Variants in TTLL7 observed in about 807,000 individuals in gnomAD.
TTLL7 encodes tubulin tyrosine ligase like 7.
TTLL7 carries 53 observed loss-of-function variants against 120.2 expected under a neutral mutation model. The observed-to-expected ratio is 0.44, with a 90% CI of 0.35 to 0.55. The LOEUF is 0.55. TTLL7 is among the 20% of genes least tolerant of loss of function. The pLI is 0.00. For synonymous variants in TTLL7, 353 were observed against 351.7 expected, an observed-to-expected ratio of 1.00 and a Z score of -0.04; for missense variants, 803 against 1,054.7, an observed-to-expected ratio of 0.76 and a Z score of 3.31.
intron 13 of TTLL7, among the ~76,000 whole-genome samples, chr1:83,918,862 C>A (rs527747866): frequency 6.6e-6 from 1 of 152,030 alleles, no homozygotes; most frequent in Non-Finnish European, 1.5e-5. Flanking sequence ...CATGTCTGGA[C>A]ATATGTAGGC....
intron 1 of TTLL7, among the ~76,000 whole-genome samples, chr1:83,958,344 G>A (rs1014355817): frequency 6.6e-6 from 1 of 152,110 alleles, no homozygotes; most frequent in Non-Finnish European, 1.5e-5. Context: ...ATTATCGGAT[G>A]AAAGACATTT....
Position 83,909,586 on chromosome 1 carries a change from T to C in TTLL7, c.1786+1579A>G, listed in dbSNP as rs532046334. Among the ~76,000 whole-genome samples, 9 of 152,158 alleles carry C rather than the reference T, an allele frequency of 5.9e-5. No individual in the cohort carries two copies. In the East Asian group the frequency reaches 7.7e-4, roughly 13 times the overall value. On this transcript the variant is annotated intron_variant, in intron 15 of 20. Coordinates refer to ENST00000260505, the MANE Select transcript of TTLL7 (RefSeq NM_024686.6). Reference sequence around the variant, plus strand: ...AAGACTTGTTACAATTCCTCGTGAATATAAAAATAAAATATAACTAATAAA... The same window carrying C: ...AAGACTTGTTACAATTCCTCGTGAACATAAAAATAAAATATAACTAATAAA...
Position 83,873,661 on chromosome 1 carries a change from C to G in TTLL7, c.2544-3579G>C, listed in dbSNP as rs1653647835. 2.0e-5 allele frequency among the ~76,000 whole-genome samples: 3 copies of G among 152,128 alleles called. No individual in the cohort carries two copies. The South Asian group carries it at 6.2e-4, about 32-fold the overall frequency. On this transcript the variant is annotated intron_variant, in intron 20 of 20. Coordinates refer to ENST00000260505, the MANE Select transcript of TTLL7 (RefSeq NM_024686.6). ...GCAGTTGTGCACATCTTTACATAAC[C>G]ATTATATTAAGTACAAACATAGAGC... is the stretch of plus-strand genomic sequence containing the variant.
chr1:83,885,224 C>G (rs1654880071), intron 19 of TTLL7: 1 of 155,316 alleles, frequency 6.4e-6, no homozygotes, highest in African/African-American at 2.4e-5. Flanking sequence ...TGGCACTTTT[C>G]TTTCTGCTGG....
intron 6 of TTLL7, among the ~76,000 whole-genome samples, chr1:83,944,838 C>T (rs1375008885): frequency 6.6e-6 from 1 of 152,096 alleles, no homozygotes; most frequent in Middle Eastern, 3.2e-3. Flanking sequence ...ACAGAAGGTG[C>T]AGAGATATAA....
chr1:83,991,021 T>C (rs1002372322), intron 1 of TTLL7, among the ~76,000 whole-genome samples: 12 of 152,200 alleles, frequency 7.9e-5, no homozygotes, highest in African/African-American at 2.9e-4. Context: ...CTTTAAAAAC[T>C]AAGGAAATTC....
rs970829924 is a variant in TTLL7 at position 83,866,247 on chromosome 1, A to G, written c.*3715T>C. 2.6e-5 allele frequency: 4 copies of G among 151,882 alleles called. No individual in the cohort carries two copies. The highest frequency in any genetic ancestry group is 5.9e-5 in the Non-Finnish European group (4 of 67,778). The allele number at this position is 151,882 out of a possible 1,614,324, so 9.4% of individuals were successfully genotyped here. A position where few individuals can be genotyped will look rare whatever the true frequency, so the allele number is the denominator to read the frequency against. On this transcript the variant is annotated 3_prime_UTR_variant, in exon 21 of 21. Transcript: ENST00000260505. ...GAAAATCAAATAATGGCATTTCTGC[A>G]GCTATCAATTTTTTGATACTTTTGA...
chr1:83,884,487 A>T (rs1654799167), intron 19 of TTLL7, among the ~76,000 whole-genome samples: 1 of 151,960 alleles, frequency 6.6e-6, no homozygotes, highest in African/African-American at 2.4e-5. Flanking sequence ...GTGGCCCCAA[A>T]TAGACAGCAT....
intron 1 of TTLL7, among the ~76,000 whole-genome samples, chr1:83,983,049 G>A (rs1041621858): frequency 1.3e-5 from 2 of 152,006 alleles, no homozygotes; most frequent in Admixed American, 1.3e-4. Context: ...AGCAATAAGG[G>A]GCCAGGCAAT....
At chr1:83,914,036 C>A (rs533340345) in intron 14 of TTLL7, among the ~76,000 whole-genome samples, 1 of 152,246 alleles carries the variant, frequency 6.6e-6, no homozygotes, top group Non-Finnish European at 1.5e-5. Context: ...TTCACTTTTA[C>A]AGATACTCTA....
intron 18 of TTLL7, among the ~76,000 whole-genome samples, chr1:83,894,842 T>C (rs1430479130): frequency 6.6e-6 from 1 of 152,038 alleles, no homozygotes; most frequent in Non-Finnish European, 1.5e-5. Context: ...GCATTCCTCT[T>C]TGCTTCTCTT....
At chr1:83,935,020 G>A (rs755681918) in intron 8 of TTLL7, among the ~76,000 whole-genome samples, 1 of 152,030 alleles carries the variant, frequency 6.6e-6, no homozygotes, top group Non-Finnish European at 1.5e-5. Flanking sequence ...TATTCTATGG[G>A]TGATAAAAGG....
rs190998411 is a variant in TTLL7 at position 83,926,729 on chromosome 1, G to A, written c.1142+2407C>T. ...AGCCCATGAGTTAGTTGTAAATAAG[G>A]GACAGACAGGCAATTTAACTTAATT... On this transcript the variant is annotated intron_variant, in intron 10 of 20. Coordinates refer to ENST00000260505, the MANE Select transcript of TTLL7 (RefSeq NM_024686.6). Among the ~76,000 whole-genome samples, 14 of 152,142 alleles carry A rather than the reference G, an allele frequency of 9.2e-5. No individual in the cohort carries two copies. The East Asian group carries it at 2.3e-3, about 25-fold the overall frequency.
At chr1:83,892,511 CAT>C (rs1276896686) in intron 18 of TTLL7, among the ~76,000 whole-genome samples, 1 of 128,750 alleles carries the variant, frequency 7.8e-6, no homozygotes, top group Non-Finnish European at 1.6e-5. Flanking sequence ...TATGAATGAA[CAT>C]ATATATGAAC....
At position 83,970,260 on chromosome 1, in the gene TTLL7, AAAT is replaced by A. The variant is rs200096432; in HGVS notation, c.-176-17876_-176-17874del. ...CCTCTGAGGTTAACACTTCCAGAGTAAATAAAAATGTAAACTAACTGATTCCAG... is the reference window on the plus strand; with the variant it reads ...CCTCTGAGGTTAACACTTCCAGAGTAAAAAATGTAAACTAACTGATTCCAG... On this transcript the variant is annotated intron_variant, in intron 1 of 20. Coordinates refer to ENST00000260505, the MANE Select transcript of TTLL7 (RefSeq NM_024686.6). 1.1e-4 allele frequency among the ~76,000 whole-genome samples: 17 copies of A among 152,210 alleles called. No homozygotes were observed. The East Asian group carries it at 3.3e-3, about 29-fold the overall frequency.
chr1:83,992,118 A>G (rs1479157961), intron 1 of TTLL7, among the ~76,000 whole-genome samples: 2 of 152,188 alleles, frequency 1.3e-5, no homozygotes, highest in Admixed American at 1.3e-4. Flanking sequence ...CATATGTAGC[A>G]GTAAATGTTT....
rs540360706 is a variant in TTLL7, at chr1:83,949,071, T to C, written c.280-376A>G. 38 of 160,818 alleles carry C rather than the reference T, an allele frequency of 2.4e-4. No homozygotes were observed. The South Asian group carries it at 3.3e-3, about 14-fold the overall frequency. The allele number at this position is 160,818 out of a possible 1,614,324, so 10.0% of individuals were successfully genotyped here. Reference sequence around the variant, plus strand: ...CACTACAGTCAATTTTATATTACCTTCTAAACTAATAAATGAATAAGGTCT... The same window carrying C: ...CACTACAGTCAATTTTATATTACCTCCTAAACTAATAAATGAATAAGGTCT... On this transcript the variant is annotated intron_variant, in intron 4 of 20. Coordinates refer to ENST00000260505, the MANE Select transcript of TTLL7 (RefSeq NM_024686.6).
chr1:83,963,918 A>G (rs1448917470), intron 1 of TTLL7, among the ~76,000 whole-genome samples: 1 of 152,142 alleles, frequency 6.6e-6, no homozygotes, highest in Non-Finnish European at 1.5e-5. Context: ...GCAAGTTTAG[A>G]AAATCCATAT....
At chr1:83,953,647 C>A (rs1464290143) in intron 1 of TTLL7, among the ~76,000 whole-genome samples, 2 of 152,032 alleles carry the variant, frequency 1.3e-5, no homozygotes, top group Non-Finnish European at 2.9e-5. Flanking sequence ...ATTTCATTAA[C>A]AAACTTTAAA....
Sources: allele counts gnomAD v4.1 joint callset (sites outside exome capture counted in the v4.1 genomes callset), GRCh38; gene constraint gnomAD v4.1.1; transcripts MANE v1.5; gene names NCBI Gene and HGNC (gene_info 2026-07-23, HGNC 2026-07-21).